NELL2: variants seen among roughly 807,000 people sequenced by gnomAD.
NELL2 encodes the protein protein kinase C-binding protein NELL2.
NELL2 carries 41 observed loss-of-function variants against 109.6 expected under a neutral mutation model. That is an observed-to-expected ratio of 0.37 (90% CI 0.29 to 0.49). NELL2 has a LOEUF of 0.49. Ranked by LOEUF, NELL2 falls within the 20% of genes least tolerant of loss-of-function variation. NELL2 has a pLI of 0.98. For synonymous variants in NELL2, 355 were observed against 344.7 expected (o/e 1.03, Z -0.33); for missense variants, 900 against 1,008.3 (o/e 0.89, Z 1.45).
intron 13 of NELL2, among the ~76,000 whole-genome samples, chr12:44,657,778 C>G (rs2136326392): frequency 6.6e-6 from 1 of 152,296 alleles, no homozygotes; most frequent in Admixed American, 6.5e-5. Context: ...CGGTTTCCAG[C>G]TTCACCCATG....
chr12:44,511,138 G>T (rs748796164), intron 19 of NELL2, among the ~76,000 whole-genome samples: 3 of 152,130 alleles, frequency 2.0e-5, no homozygotes, highest in Non-Finnish European at 4.4e-5. Context: ...AATCTTCCAG[G>T]AGTGTGTTGC....
intron 9 of NELL2, among the ~76,000 whole-genome samples, chr12:44,736,185 A>AT (rs543816471): frequency 0.012 from 1,808 of 151,464 alleles, 17 homozygotes; most frequent in Non-Finnish European, 0.02. Context: ...TAATTTTTGT[A>AT]TTTTTAGTAG....
chr12:44,801,235 T>C (rs1942818386), intron 3 of NELL2, among the ~76,000 whole-genome samples: 1 of 152,160 alleles, frequency 6.6e-6, no homozygotes. Context: ...ATGTAGACCA[T>C]GATTTATTTA....
chr12:44,549,875 C>T (rs1035820707), intron 15 of NELL2, among the ~76,000 whole-genome samples: 1 of 152,016 alleles, frequency 6.6e-6, no homozygotes, highest in Admixed American at 6.6e-5. Context: ...GCATTTTTCA[C>T]AGAAATAAAA....
chr12:44,611,079 C>T (rs1198406002), intron 13 of NELL2, 109 bp from the exon 14 acceptor site: 15 of 1,052,410 alleles, frequency 1.4e-5, no homozygotes, highest in African/African-American at 1.6e-5. Context: ...CAACCACAGA[C>T]ATAACAAATT....
At chr12:44,653,315 A>G (rs1947367372) in intron 13 of NELL2, among the ~76,000 whole-genome samples, 1 of 152,220 alleles carries the variant, frequency 6.6e-6, no homozygotes, top group African/African-American at 2.4e-5. Context: ...CTAAAGACTT[A>G]GGCAAATTGT....
chr12:44,731,996 A>T (rs77884580), intron 9 of NELL2, among the ~76,000 whole-genome samples: 3,493 of 152,146 alleles, frequency 0.023, 130 homozygotes, highest in African/African-American at 0.078. Flanking sequence ...TAATAATAAA[A>T]TACTTAGAAA....
At chr12:44,699,050 A>T (rs77333760) in intron 12 of NELL2, among the ~76,000 whole-genome samples, 8,934 of 152,268 alleles carry the variant, frequency 0.059, 385 homozygotes, top group Non-Finnish European at 0.09. Flanking sequence ...GATATAGTCA[A>T]AACATCAAAA....
At chr12:44,759,804 A>G (rs1941046338) in intron 9 of NELL2, among the ~76,000 whole-genome samples, 1 of 152,162 alleles carries the variant, frequency 6.6e-6, no homozygotes, top group South Asian at 2.1e-4. Context: ...AAGTCCTCCC[A>G]TTTAGAGTGT....
chr12:44,640,625 T>A (rs775725557), intron 13 of NELL2, among the ~76,000 whole-genome samples: 1 of 152,194 alleles, frequency 6.6e-6, no homozygotes, highest in African/African-American at 2.4e-5. Flanking sequence ...CATGGTTGCA[T>A]AGCAACAAGG....
At chr12:44,708,627 T>C (rs909212085) in intron 11 of NELL2, among the ~76,000 whole-genome samples, 3 of 152,226 alleles carry the variant, frequency 2.0e-5, no homozygotes, top group Admixed American at 6.5e-5. Context: ...AACACGTTTA[T>C]TTCACATATT....
chr12:44,841,329 C>T (rs1291007637), intron 2 of NELL2, among the ~76,000 whole-genome samples: 1 of 152,200 alleles, frequency 6.6e-6, no homozygotes, highest in Non-Finnish European at 1.5e-5. Context: ...ATATCACATG[C>T]TTTCAAGAAT....
chr12:44,874,431 C>T (rs1013951795), intron 2 of NELL2, among the ~76,000 whole-genome samples: 2 of 152,170 alleles, frequency 1.3e-5, no homozygotes, highest in Non-Finnish European at 2.9e-5. Flanking sequence ...CACAAACAAG[C>T]AATCCTCAAA....
At chr12:44,545,539 C>A (rs956397689) in intron 15 of NELL2, among the ~76,000 whole-genome samples, 6 of 151,914 alleles carry the variant, frequency 3.9e-5, no homozygotes, top group African/African-American at 1.4e-4. Flanking sequence ...ATTATGAGGT[C>A]TACAGATGAA....
chr12:44,901,441 T>G (rs1026017416), intron 1 of NELL2, among the ~76,000 whole-genome samples: 2 of 152,160 alleles, frequency 1.3e-5, no homozygotes, highest in African/African-American at 4.8e-5. Flanking sequence ...TAGAACCAGA[T>G]GGATTCACTG....
At chr12:44,707,906 C>A (rs1283867512) in intron 11 of NELL2, among the ~76,000 whole-genome samples, 1 of 152,034 alleles carries the variant, frequency 6.6e-6, no homozygotes, top group Non-Finnish European at 1.5e-5. Flanking sequence ...AGAAGTTTCC[C>A]AGGGAAAGGA....
chr12:44,707,687 A>C (rs1937960740), intron 11 of NELL2, among the ~76,000 whole-genome samples: 2 of 152,170 alleles, frequency 1.3e-5, no homozygotes, highest in Admixed American at 6.6e-5. Context: ...ATTTCTTTTA[A>C]TGTGTATAAG....
chr12:44,612,397 C>T (rs1289813754), intron 13 of NELL2, among the ~76,000 whole-genome samples: 3 of 151,728 alleles, frequency 2.0e-5, no homozygotes, highest in Admixed American at 1.3e-4. Context: ...TTTCAATCAC[C>T]AAGGTTCTAG....
At chr12:44,788,431 C>T (rs528347991) in intron 3 of NELL2, among the ~76,000 whole-genome samples, 3 of 152,240 alleles carry the variant, frequency 2.0e-5, no homozygotes, top group African/African-American at 7.2e-5. Context: ...GGAGAAGTTT[C>T]CAAACTTACC....
Sources: gnomAD v4.1 joint callset for allele counts (sites outside exome capture counted in the v4.1 genomes callset) on GRCh38, gnomAD v4.1.1 for gene constraint, MANE v1.5 for transcripts, NCBI Gene and HGNC (gene_info 2026-07-23, HGNC 2026-07-21) for gene names.